FHIT: variants seen among roughly 807,000 people sequenced by gnomAD.
FHIT encodes fragile histidine triad diadenosine triphosphatase, also known as bis(5'-adenosyl)-triphosphatase.
In FHIT, 19 loss-of-function variants were observed where a neutral mutation model predicts 17.9. The ratio of observed to expected loss-of-function variants is 1.06; its 90% confidence interval spans 0.74 to 1.56. FHIT has a LOEUF of 1.56. FHIT is among the 40% of genes most tolerant of loss of function. The probability of loss-of-function intolerance (pLI) is 0.00; values close to 1 mark genes in which losing one functional copy is unlikely to be tolerated. For missense variants in FHIT, 248 were observed against 189.2 expected (o/e 1.31, Z -1.82); for synonymous variants, 81 against 69.7 (o/e 1.16, Z -0.81).
At chr3:60,906,428 T>C (rs1168343866) in intron 3 of FHIT, among the ~76,000 whole-genome samples, 1 of 152,214 alleles carries the variant, frequency 6.6e-6, no homozygotes, top group African/African-American at 2.4e-5. Context: ...ACCTATCTAA[T>C]CTATCTAATC....
chr3:60,055,907 G>A (rs1702062467), intron 5 of FHIT, among the ~76,000 whole-genome samples: 1 of 152,176 alleles, frequency 6.6e-6, no homozygotes, highest in Non-Finnish European at 1.5e-5. Context: ...TAAGGACTCA[G>A]TAAACATTCC....
intron 2 of FHIT, among the ~76,000 whole-genome samples, chr3:61,071,138 CT>C (rs1321662313): frequency 6.6e-6 from 1 of 152,070 alleles, no homozygotes; most frequent in African/African-American, 2.4e-5. Flanking sequence ...CAGCAATCCC[CT>C]TGAGAAATAA....
intron 5 of FHIT, among the ~76,000 whole-genome samples, chr3:60,404,651 C>G (rs1433144856): frequency 6.6e-6 from 1 of 152,114 alleles, no homozygotes; most frequent in Non-Finnish European, 1.5e-5. Context: ...GAACTAGGAC[C>G]ACACCTGTCT....
At position 60,640,287 on chromosome 3, in the gene FHIT, C is replaced by T. The variant is rs189877624; in HGVS notation, c.-17-103308G>A. On this transcript the variant is annotated intron_variant, in intron 4 of 9. Transcript: ENST00000492590. ...ACAGTTTATTATATACACACTATAC[C>T]CCAATAAGCTTTTTTTTTCCTAAAA... is the stretch of plus-strand genomic sequence containing the variant. Among the ~76,000 whole-genome samples the T allele has an allele frequency of 3.9e-4, 59 of 151,988 alleles. 1 individual carries two copies. In the East Asian group the frequency reaches 7.9e-3, roughly 20 times the overall value.
rs369443997 is a variant in FHIT at position 60,792,164 on chromosome 3, C to A, written c.-18+29755G>T. The stretch of plus-strand genomic sequence containing the variant: ...TCCTGCTCAAGACCTCCTCACACTC[C>A]TCTTGCATAAATAAATGATTTAGAC... On this transcript the variant is annotated intron_variant, in intron 4 of 9. Coordinates refer to ENST00000492590, the MANE Select transcript of FHIT (RefSeq NM_002012.4). 1.1e-4 allele frequency among the ~76,000 whole-genome samples: 16 copies of A among 152,300 alleles called. No individual in the cohort carries two copies. The East Asian group carries it at 1.4e-3, about 13-fold the overall frequency.
At chr3:60,898,832 G>A (rs930741566) in intron 3 of FHIT, among the ~76,000 whole-genome samples, 1 of 152,108 alleles carries the variant, frequency 6.6e-6, no homozygotes, top group Non-Finnish European at 1.5e-5. Flanking sequence ...GGGAAGCATA[G>A]ACCTAAGAAA....
intron 3 of FHIT, among the ~76,000 whole-genome samples, chr3:60,976,620 T>G (rs778426883): frequency 5.9e-5 from 9 of 152,236 alleles, no homozygotes; most frequent in Non-Finnish European, 1.2e-4. Context: ...TTCATCACTG[T>G]TTCTGTGAAG....
intron 5 of FHIT, among the ~76,000 whole-genome samples, chr3:60,279,756 C>G (rs147367675): frequency 6.6e-6 from 1 of 151,948 alleles, no homozygotes; most frequent in Non-Finnish European, 1.5e-5. Flanking sequence ...GCTGGTGGAA[C>G]GTTCAAAAAC....
At chr3:60,444,372 C>T (rs1430652660) in intron 5 of FHIT, among the ~76,000 whole-genome samples, 3 of 152,142 alleles carry the variant, frequency 2.0e-5, no homozygotes, top group Non-Finnish European at 4.4e-5. Flanking sequence ...ATAAATCATG[C>T]TGCTATAAAG....
At chr3:60,854,180 C>A (rs575419535) in intron 3 of FHIT, among the ~76,000 whole-genome samples, 1 of 152,210 alleles carries the variant, frequency 6.6e-6, no homozygotes, top group East Asian at 1.9e-4. Context: ...AGAGTAAGCT[C>A]AAAGTGTTCC....
In FHIT at chr3:60,585,544, A is replaced by G. The variant is rs192544534; in HGVS notation, c.-17-48565T>C. ...TTAATGAAATTCCAAGACTTAAAAA[A>G]TCTTGCAGTGAAAGCAAGAAAGACC... On this transcript the variant is annotated intron_variant, in intron 4 of 9. Transcript: ENST00000492590. Among the ~76,000 whole-genome samples, 438 of 152,176 alleles carry G rather than the reference A, an allele frequency of 2.9e-3. 1 individual carries two copies. The highest frequency in any genetic ancestry group is 9.8e-3 in the African/African-American group (406 of 41,560).
chr3:60,875,317 C>T (rs1682249930), intron 3 of FHIT, among the ~76,000 whole-genome samples: 1 of 152,174 alleles, frequency 6.6e-6, no homozygotes, highest in South Asian at 2.1e-4. Flanking sequence ...TCTTGGGCTA[C>T]CCTGTTACAA....
intron 8 of FHIT, among the ~76,000 whole-genome samples, chr3:59,819,600 G>A (rs182530218): frequency 6.6e-6 from 1 of 152,120 alleles, no homozygotes; most frequent in Non-Finnish European, 1.5e-5. Context: ...AGACAGGCTC[G>A]TGTTCTTCCA....
At chr3:60,162,801 A>T (rs1393555124) in intron 5 of FHIT, among the ~76,000 whole-genome samples, 1 of 152,170 alleles carries the variant, frequency 6.6e-6, no homozygotes, top group Non-Finnish European at 1.5e-5. Context: ...ACTGTTCACA[A>T]GTACATCATT....
intron 2 of FHIT, among the ~76,000 whole-genome samples, chr3:61,107,101 A>G (rs1444326506): frequency 1.3e-5 from 2 of 152,172 alleles, no homozygotes; most frequent in Non-Finnish European, 1.5e-5. Context: ...GAAATTTTGT[A>G]TCCTTTGACC....
At chr3:60,550,900 A>G (rs1419590036) in intron 4 of FHIT, among the ~76,000 whole-genome samples, 1 of 152,182 alleles carries the variant, frequency 6.6e-6, no homozygotes, top group Non-Finnish European at 1.5e-5. Flanking sequence ...ACAAGGAAAA[A>G]TATTCTGATT....
At chr3:60,155,201 C>G (rs1474837306) in intron 5 of FHIT, among the ~76,000 whole-genome samples, 4 of 150,154 alleles carry the variant, frequency 2.7e-5, no homozygotes, top group Non-Finnish European at 5.9e-5. Context: ...AGTCACAGAG[C>G]TGGTGCCATT....
intron 4 of FHIT, among the ~76,000 whole-genome samples, chr3:60,783,634 T>C (rs1553726188): frequency 6.6e-6 from 1 of 152,246 alleles, no homozygotes. Context: ...CTATATTTCC[T>C]GATAAATCAC....
chr3:60,550,849 C>G (rs954599534), intron 4 of FHIT, among the ~76,000 whole-genome samples: 3 of 152,022 alleles, frequency 2.0e-5, no homozygotes, highest in Non-Finnish European at 4.4e-5. Flanking sequence ...ATTCTAGGCA[C>G]AGGGTGCATA....
Sources: allele counts gnomAD v4.1 joint callset (sites outside exome capture counted in the v4.1 genomes callset), GRCh38; gene constraint gnomAD v4.1.1; transcripts MANE v1.5; gene names NCBI Gene and HGNC (gene_info 2026-07-23, HGNC 2026-07-21).